The following SPTLC1 variants were observed in gnomAD, a reference collection of about 807,000 sequenced individuals.
SPTLC1 encodes the protein serine palmitoyltransferase 1.
In SPTLC1, 55 loss-of-function variants were observed where a neutral mutation model predicts 68.9. The ratio of observed to expected loss-of-function variants is 0.80; its 90% CI spans 0.64 to 1.00. The LOEUF (loss-of-function observed/expected upper bound fraction) is 1.00. Among genes scored for constraint, SPTLC1 ranks in the 50% least tolerant of loss-of-function variants. SPTLC1 has a pLI of 0.00. For synonymous variants in SPTLC1, 197 were observed against 201.6 expected (o/e 0.98, Z 0.19); for missense variants, 449 against 573.1 (o/e 0.78, Z 2.21).
intron 11 of SPTLC1, 22 bp from the exon 12 acceptor site, chr9:92,046,075 G>C: frequency 1.9e-6 from 3 of 1,603,344 alleles, no homozygotes; most frequent in Non-Finnish European, 2.6e-6. Context: ...AAATACGTTT[G>C]AGAGTCTATT....
At chr9:92,092,363 A>C (rs1835392006) in intron 3 of SPTLC1, among the ~76,000 whole-genome samples, 1 of 152,198 alleles carries the variant, frequency 6.6e-6, no homozygotes, top group Non-Finnish European at 1.5e-5. Flanking sequence ...AACTCAAGGA[A>C]AACATTATGC....
chr9:92,100,650 C>T (rs1426031859), intron 3 of SPTLC1, among the ~76,000 whole-genome samples: 9 of 151,972 alleles, frequency 5.9e-5, no homozygotes, highest in Non-Finnish European at 1.2e-4. Flanking sequence ...CAGGGGAGTC[C>T]CATCTCAAAC....
At chr9:92,089,290 A>G (rs529534351) in intron 3 of SPTLC1, among the ~76,000 whole-genome samples, 1 of 152,238 alleles carries the variant, frequency 6.6e-6, no homozygotes, top group Non-Finnish European at 1.5e-5. Flanking sequence ...GCGCATGCCT[A>G]TAATACCAGC....
chr9:92,098,141 C>A (rs1250922843), intron 3 of SPTLC1, among the ~76,000 whole-genome samples: 1 of 152,186 alleles, frequency 6.6e-6, no homozygotes, highest in Non-Finnish European at 1.5e-5. Flanking sequence ...CTTGGCTACC[C>A]TGACTTGGCA....
At chr9:92,042,241 A>C (rs1035863803) in intron 12 of SPTLC1, among the ~76,000 whole-genome samples, 2 of 152,244 alleles carry the variant, frequency 1.3e-5, no homozygotes, top group African/African-American at 4.8e-5. Flanking sequence ...TATTATTGCC[A>C]CTGTTCAATA....
intron 8 of SPTLC1, chr9:92,050,976 C>G: frequency 1.0e-6 from 1 of 985,144 alleles, no homozygotes; most frequent in Non-Finnish European, 1.2e-6. Context: ...CCATGCCCAG[C>G]TTCAGTGCTT....
chr9:92,075,874 C>G (rs546265095), intron 5 of SPTLC1, among the ~76,000 whole-genome samples: 95 of 152,302 alleles, frequency 6.2e-4, no homozygotes, highest in African/African-American at 2.3e-3. Context: ...ATCCACACAA[C>G]TGTATTTCCT....
At chr9:92,087,218 C>T (rs538684504) in intron 3 of SPTLC1, among the ~76,000 whole-genome samples, 3 of 152,254 alleles carry the variant, frequency 2.0e-5, no homozygotes, top group Non-Finnish European at 4.4e-5. Context: ...GTAGTTTGAT[C>T]GTCTGAAGCC....
chr9:92,102,974 T>C (rs564798985), intron 3 of SPTLC1, among the ~76,000 whole-genome samples: 2 of 152,310 alleles, frequency 1.3e-5, no homozygotes, highest in East Asian at 1.9e-4. Flanking sequence ...GTGTGGTGAA[T>C]AGTTGACCGA....
At position 92,047,248 on chromosome 9, in the gene SPTLC1, GTA is replaced by G; in HGVS notation, c.1003_1004del (p.Tyr335LeufsTer16). On this transcript the variant is annotated frameshift_variant, in exon 11 of 15. Transcript: ENST00000262554. LOFTEE classifies it high-confidence loss of function. ...GGGGAGGTAACGAAGCTGAAAAGCA[GTA>G]TCCCTGGCCGGAAAGTCGCTGAGAA... The part of the protein sequence containing the change: ...IDHQRLSGQG[Y>X]CFSASLPPLL... 6.2e-7 allele frequency: 1 copy of G among 1,614,124 alleles called. No homozygotes were observed. The highest frequency in any genetic ancestry group is 8.5e-7 in the Non-Finnish European group (1 of 1,179,968).
chr9:92,069,874 T>C (rs1834420519), intron 5 of SPTLC1, among the ~76,000 whole-genome samples: 1 of 152,222 alleles, frequency 6.6e-6, no homozygotes, highest in Non-Finnish European at 1.5e-5. Flanking sequence ...ATACAAATTA[T>C]TTTTGCTAAC....
chr9:92,054,684 G>C (rs1385442316), intron 8 of SPTLC1, among the ~76,000 whole-genome samples: 1 of 152,202 alleles, frequency 6.6e-6, no homozygotes, highest in Non-Finnish European at 1.5e-5. Context: ...GGAGGCCCAG[G>C]CGGGCAGATC....
chr9:92,100,186 G>A (rs1481535437), intron 3 of SPTLC1, among the ~76,000 whole-genome samples: 24 of 151,904 alleles, frequency 1.6e-4, no homozygotes, highest in Non-Finnish European at 3.4e-4. Context: ...AGGCCGAGGC[G>A]GGCAGATCAC....
At chr9:92,071,830 GGGCATT>G (rs1167420049) in intron 5 of SPTLC1, among the ~76,000 whole-genome samples, 1 of 152,104 alleles carries the variant, frequency 6.6e-6, no homozygotes, top group Non-Finnish European at 1.5e-5. Flanking sequence ...GCCAGCCTTG[GGGCATT>G]CTACCATTGT....
chr9:92,097,722 A>G lies in SPTLC1; in HGVS notation c.260+11018T>C, dbSNP rs186233294. On this transcript the variant is annotated intron_variant, in intron 3 of 14. Coordinates refer to ENST00000262554, the MANE Select transcript of SPTLC1 (RefSeq NM_006415.4). ...TGGGATTTCTTTTGGGGTGATAAAA[A>G]TATTTTGGAATTAGATGGTGGTGAT... 2.0e-5 allele frequency among the ~76,000 whole-genome samples: 3 copies of G among 152,338 alleles called. No individual in the cohort carries two copies. In the East Asian group the frequency reaches 5.8e-4, roughly 29 times the overall value.
intron 12 of SPTLC1, among the ~76,000 whole-genome samples, chr9:92,040,713 G>A (rs1312548220): frequency 4.6e-5 from 7 of 151,036 alleles, no homozygotes; most frequent in East Asian, 1.9e-4. Flanking sequence ...AGCTGAGATC[G>A]CGCCACTGTG....
intron 12 of SPTLC1, among the ~76,000 whole-genome samples, chr9:92,038,657 C>A (rs749451432): frequency 6.6e-6 from 1 of 152,244 alleles, no homozygotes; most frequent in South Asian, 2.1e-4. Flanking sequence ...GCCCTCTGGG[C>A]CCCACCTTGG....
intron 7 of SPTLC1, among the ~76,000 whole-genome samples, chr9:92,058,681 G>C (rs914175160): frequency 6.6e-6 from 1 of 152,144 alleles, no homozygotes; most frequent in African/African-American, 2.4e-5. Context: ...ATTTCCCACA[G>C]GCAGTAGCTG....
At chr9:92,038,602 C>G (rs935525673) in intron 12 of SPTLC1, 2 of 531,494 alleles carry the variant, frequency 3.8e-6, no homozygotes, top group East Asian at 7.0e-5. Flanking sequence ...AGGACCGGGT[C>G]TCATGGCCCC....
Sources: allele counts gnomAD v4.1 joint callset (sites outside exome capture counted in the v4.1 genomes callset), GRCh38; gene constraint gnomAD v4.1.1; transcripts MANE v1.5; gene names NCBI Gene and HGNC (gene_info 2026-07-23, HGNC 2026-07-21).